ZBTB20: variants seen among roughly 807,000 people sequenced by gnomAD.
ZBTB20 encodes zinc finger and BTB domain-containing protein 20.
ZBTB20 carries 9 observed loss-of-function variants against 56.9 expected under a neutral mutation model. The observed-to-expected ratio is 0.16, with a 90% confidence interval of 0.10 to 0.28. ZBTB20 has a LOEUF of 0.28. Among genes scored for constraint, ZBTB20 ranks in the 10% least tolerant of loss-of-function variants. The pLI is 1.00. For synonymous variants in ZBTB20, 417 were observed against 420.7 expected, an observed-to-expected ratio of 0.99 and a Z score of 0.11; for missense variants, 655 against 1,003.0, an observed-to-expected ratio of 0.65 and a Z score of 4.69.
chr3:114,449,478 C>T (rs959215984), intron 7 of ZBTB20, among the ~76,000 whole-genome samples: 1 of 152,062 alleles, frequency 6.6e-6, no homozygotes, highest in Non-Finnish European at 1.5e-5. Context: ...AAACATCAAA[C>T]AGAGTTAAAG....
intron 2 of ZBTB20, among the ~76,000 whole-genome samples, chr3:115,039,035 A>G (rs1169493937): frequency 3.3e-5 from 5 of 152,140 alleles, no homozygotes; most frequent in African/African-American, 1.2e-4. Flanking sequence ...AAGAGGAGAT[A>G]GCATCTCCAG....
intron 1 of ZBTB20, among the ~76,000 whole-genome samples, chr3:115,132,620 T>C (rs2084539322): frequency 6.6e-6 from 1 of 152,170 alleles, no homozygotes; most frequent in Non-Finnish European, 1.5e-5. Flanking sequence ...ATTTAGGCCA[T>C]GTGCAGTGGC....
At chr3:114,438,026 T>G (rs2090634116) in intron 7 of ZBTB20, among the ~76,000 whole-genome samples, 1 of 152,156 alleles carries the variant, frequency 6.6e-6, no homozygotes, top group Admixed American at 6.5e-5. Flanking sequence ...AGTAGTCTCC[T>G]TAGATGCTAC....
chr3:114,644,947 T>G (rs2059759379), intron 6 of ZBTB20, among the ~76,000 whole-genome samples: 1 of 151,838 alleles, frequency 6.6e-6, no homozygotes. Flanking sequence ...GACATTAAAT[T>G]TTTTTCTTTC....
chr3:114,459,590 C>T lies in ZBTB20; in HGVS notation c.-255+40762G>A, dbSNP rs565030159. ...CCTGCCATGGTGGTAGATGATCTCC[C>T]AGAAAAGCTGGAAGCAACAAATTTT... On this transcript the variant is annotated intron_variant, in intron 7 of 11. Transcript: ENST00000675478. Among the ~76,000 whole-genome samples the T allele has an allele frequency of 2.0e-4, 30 of 152,122 alleles. No homozygotes were observed. In the South Asian group the frequency reaches 6.0e-3, roughly 31 times the overall value.
At chr3:114,458,864 A>G (rs1157652043) in intron 7 of ZBTB20, among the ~76,000 whole-genome samples, 1 of 152,124 alleles carries the variant, frequency 6.6e-6, no homozygotes, top group African/African-American at 2.4e-5. Context: ...CCTTTTTCCA[A>G]AGAATTCTTG....
intron 3 of ZBTB20, among the ~76,000 whole-genome samples, chr3:114,969,849 G>T (rs181517652): frequency 6.6e-6 from 1 of 152,140 alleles, no homozygotes; most frequent in Non-Finnish European, 1.5e-5. Context: ...AATACTTCAT[G>T]TACCAAGAGA....
chr3:114,835,336 G>T (rs6438227), intron 4 of ZBTB20, among the ~76,000 whole-genome samples: 30,332 of 149,868 alleles, frequency 0.2, 3,197 homozygotes, highest in Middle Eastern at 0.25. Flanking sequence ...ATTTTTTTTT[G>T]TCATAAAGTA....
intron 7 of ZBTB20, among the ~76,000 whole-genome samples, chr3:114,406,457 T>C (rs181975224): frequency 1.2e-4 from 19 of 152,242 alleles, no homozygotes; most frequent in Non-Finnish European, 1.3e-4. Context: ...TGCTTGGAAG[T>C]TGCATAAGCA....
intron 3 of ZBTB20, among the ~76,000 whole-genome samples, chr3:114,959,412 G>A (rs115879010): frequency 0.021 from 3,128 of 152,072 alleles, 110 homozygotes; most frequent in African/African-American, 0.072. Flanking sequence ...ATGTCTAAGG[G>A]GAAATCCAGG....
intron 2 of ZBTB20, among the ~76,000 whole-genome samples, chr3:114,996,734 T>C (rs985727417): frequency 3.3e-5 from 5 of 151,922 alleles, no homozygotes; most frequent in African/African-American, 9.7e-5. Flanking sequence ...TTTGGGTATA[T>C]ACCCAGTAAT....
intron 4 of ZBTB20, among the ~76,000 whole-genome samples, chr3:114,880,016 C>T (rs2076340207): frequency 6.6e-6 from 1 of 152,170 alleles, no homozygotes; most frequent in African/African-American, 2.4e-5. Context: ...GTTTCTAAAG[C>T]TAAGTAACAT....
intron 2 of ZBTB20, among the ~76,000 whole-genome samples, chr3:115,016,555 T>C (rs1391854447): frequency 6.6e-6 from 1 of 151,850 alleles, no homozygotes; most frequent in East Asian, 1.9e-4. Context: ...CCCAGTACCA[T>C]TTATTAGAGG....
intron 4 of ZBTB20, among the ~76,000 whole-genome samples, chr3:114,871,842 A>G (rs2076023344): frequency 6.6e-6 from 1 of 152,144 alleles, no homozygotes; most frequent in African/African-American, 2.4e-5. Flanking sequence ...ATATATACTT[A>G]TTTTGGAAAG....
intron 2 of ZBTB20, among the ~76,000 whole-genome samples, chr3:115,042,029 A>C (rs1432065754): frequency 6.6e-6 from 1 of 152,142 alleles, no homozygotes; most frequent in Non-Finnish European, 1.5e-5. Context: ...CTAAGAATCC[A>C]ATCCCTCAAG....
chr3:115,084,028 T>G (rs1420493736), intron 1 of ZBTB20, among the ~76,000 whole-genome samples: 1 of 151,938 alleles, frequency 6.6e-6, no homozygotes, highest in Non-Finnish European at 1.5e-5. Flanking sequence ...ATATAAGCAC[T>G]ATTAGCTAAT....
Position 114,316,278 on chromosome 3 carries a change from T to C in ZBTB20, c.*22727A>G, listed in dbSNP as rs945098810. ...TCACTAACACTGTTCCTTTTTTTCC[T>C]TGTTACAATCCATTCTTTATGAACA... is the stretch of plus-strand genomic sequence containing the variant. On this transcript the variant is annotated 3_prime_UTR_variant, in exon 12 of 12. Transcript: ENST00000675478. The C allele has an allele frequency of 2.1e-5, 7 of 339,980 alleles. No individual in the cohort carries two copies. Among genetic ancestry groups the C allele is most frequent in the African/African-American group, 1.6e-4 (7 of 43,676 alleles). The allele number at this position is 339,980 out of a possible 1,614,324, so 21.1% of individuals were successfully genotyped here.
intron 4 of ZBTB20, among the ~76,000 whole-genome samples, chr3:114,844,938 C>A (rs1205699609): frequency 8.0e-6 from 1 of 124,732 alleles, no homozygotes; most frequent in Admixed American, 9.2e-5. Context: ...ATTGAGTTTT[C>A]GAAGTTCTTT....
At chr3:114,959,589 G>A (rs2077368843) in intron 3 of ZBTB20, among the ~76,000 whole-genome samples, 1 of 152,014 alleles carries the variant, frequency 6.6e-6, no homozygotes, top group South Asian at 2.1e-4. Flanking sequence ...TTGTTGTTTT[G>A]TTTGTATGCC....
Sources: allele counts gnomAD v4.1 joint callset (sites outside exome capture counted in the v4.1 genomes callset), GRCh38; gene constraint gnomAD v4.1.1; transcripts MANE v1.5; gene names NCBI Gene and HGNC (gene_info 2026-07-23, HGNC 2026-07-21).